The following CEACAM5 variants were observed in gnomAD, a reference collection of about 807,000 sequenced individuals.
The protein encoded by CEACAM5 is cell adhesion molecule CEACAM5.
Under a neutral mutation model 63.0 loss-of-function variants are expected in CEACAM5, and 52 were observed. The observed-to-expected ratio is 0.83, with a 90% CI of 0.66 to 1.04. The LOEUF (loss-of-function observed/expected upper bound fraction) is 1.04, where lower values mean the gene tolerates loss of function less well. Among genes scored for constraint, CEACAM5 ranks in the 50% least tolerant of loss-of-function variants. CEACAM5 has a pLI of 0.00. For synonymous variants in CEACAM5, 357 were observed against 351.3 expected (o/e 1.02, Z -0.18); for missense variants, 790 against 864.8 (o/e 0.91, Z 1.08).
chr19:41,723,863 G>A (rs1170336411), intron 8 of CEACAM5, among the ~76,000 whole-genome samples: 2 of 151,516 alleles, frequency 1.3e-5, no homozygotes, highest in Admixed American at 1.3e-4. Flanking sequence ...GCAGGAGAAT[G>A]GCATGAACCC....
chr19:41,718,254 T>A lies in CEACAM5; in HGVS notation c.1364T>A (p.Ile455Asn), dbSNP rs1407503956. 3 of 1,614,032 alleles carry A rather than the reference T, an allele frequency of 1.9e-6. No homozygotes were observed. The highest frequency in any genetic ancestry group is 2.7e-5 in the African/African-American group (2 of 74,898). ...TATTCTTGGCTGATTGATGGGAACATCCAGCAACACACACAAGAGCTCTTT... is the reference window on the plus strand; with the variant it reads ...TATTCTTGGCTGATTGATGGGAACAACCAGCAACACACACAAGAGCTCTTT... ...AQYSWLIDGN[I>N]QQHTQELFIS... Residue 455 changes from isoleucine (I) to asparagine (N), a missense_variant, in exon 6 of 10, where the codon ATC becomes AAC. Transcript: ENST00000221992.
intron 3 of CEACAM5, 75 bp from the exon 4 acceptor site, chr19:41,715,575 G>A: frequency 2.6e-6 from 4 of 1,563,798 alleles, no homozygotes; most frequent in East Asian, 4.5e-5. Context: ...GAGGGACACT[G>A]TGGTCCTTCC....
At chr19:41,708,897 A>G (rs1555813398) in intron 1 of CEACAM5, 102 bp downstream of exon 1, 1 of 794,580 alleles carries the variant, frequency 1.3e-6, no homozygotes, top group East Asian at 2.7e-5. Context: ...TGGAGCCTGA[A>G]TAGGGAAGAG....
chr19:41,722,850 T>A (rs188210429), intron 8 of CEACAM5, among the ~76,000 whole-genome samples: 1 of 152,332 alleles, frequency 6.6e-6, no homozygotes, highest in African/African-American at 2.4e-5. Flanking sequence ...TTTTGGTGTA[T>A]GTCCAGAAAT....
intron 9 of CEACAM5, among the ~76,000 whole-genome samples, chr19:41,728,786 C>CAAAAAAAAAAAAAAAAAAA (rs55647539): frequency 6.8e-5 from 5 of 73,284 alleles, no homozygotes; most frequent in East Asian, 4.3e-4. Context: ...GACTCCGTCT[C>CAAAAAAAAAAAAAAAAAAA]AAAAAAAAAA....
At chr19:41,715,508 A>G in intron 3 of CEACAM5, 142 bp from the exon 4 acceptor site, 1 of 1,225,102 alleles carries the variant, frequency 8.2e-7, no homozygotes, top group South Asian at 1.3e-5. Context: ...TCTCAGACTC[A>G]GGCTCAGTAG....
At position 41,710,056 on chromosome 19, in the gene CEACAM5, T is replaced by A; in HGVS notation, c.424+17T>A. 1 of 1,585,400 alleles carries A rather than the reference T, an allele frequency of 6.3e-7. No homozygotes were observed. Among genetic ancestry groups the A allele is most frequent in the Non-Finnish European group, 8.6e-7 (1 of 1,166,256 alleles). ...GGGTATACCGTGAGTGATTCCCCCA[T>A]GACCTCTGGGTGTTGGGGGTCAGTT... On this transcript the variant is annotated intron_variant, in intron 2 of 9. Transcript: ENST00000221992.
rs782649474 is a variant in CEACAM5, at chr19:41,715,765, C to T, written c.819C>T (p.Val273=). Residue 273 remains valine, a synonymous_variant, in exon 4 of 10, where the codon GTC becomes GTT. Transcript: ENST00000221992. ...SNPPAQYSWF[V]NGTFQQSTQE... ...CACCTGCACAGTACTCTTGGTTTGT[C>T]AATGGGACTTTCCAGCAATCCACCC... is the stretch of plus-strand genomic sequence containing the variant. 1 of 1,614,170 alleles carries T rather than the reference C, an allele frequency of 6.2e-7. No individual in the cohort carries two copies. The highest frequency in any genetic ancestry group is 1.1e-5 in the South Asian group (1 of 91,068).
In CEACAM5 at chr19:41,714,949, C is replaced by A. The variant is rs553786973; in HGVS notation, c.425-22C>A. 47 of 1,613,916 alleles carry A rather than the reference C, an allele frequency of 2.9e-5. No homozygotes were observed. The South Asian group carries it at 5.2e-4, about 18-fold the overall frequency. On this transcript the variant is annotated intron_variant, in intron 2 of 9. Transcript: ENST00000221992. Reference sequence around the variant, plus strand: ...AATCAAAGGTGCCACACAGGGCAATCTTCTCTCTGTTATCTGCACAGCGGA... The same window carrying A: ...AATCAAAGGTGCCACACAGGGCAATATTCTCTCTGTTATCTGCACAGCGGA...
At chr19:41,720,746 C>T (rs549051471) in intron 7 of CEACAM5, among the ~76,000 whole-genome samples, 176 bp from the exon 8 acceptor site, 100 of 152,120 alleles carry the variant, frequency 6.6e-4, no homozygotes, top group East Asian at 3.1e-3. Context: ...CTGATCTGCC[C>T]GCCTCGGCCT....
intron 4 of CEACAM5, among the ~76,000 whole-genome samples, chr19:41,716,496 A>C (rs1206567833): frequency 6.6e-6 from 1 of 152,188 alleles, no homozygotes; most frequent in African/African-American, 2.4e-5. Flanking sequence ...GCTGCCAATC[A>C]ACACCAAAGC....
chr19:41,709,109 G>A (rs1235226533), intron 1 of CEACAM5, among the ~76,000 whole-genome samples: 2 of 152,214 alleles, frequency 1.3e-5, no homozygotes, highest in African/African-American at 2.4e-5. Flanking sequence ...TCCGCCTACC[G>A]CGGACATTGG....
At chr19:41,710,899 C>T (rs576503596) in intron 2 of CEACAM5, among the ~76,000 whole-genome samples, 2 of 152,270 alleles carry the variant, frequency 1.3e-5, no homozygotes, top group African/African-American at 4.8e-5. Flanking sequence ...CACAAACAAC[C>T]TCACAGCCAA....
intron 9 of CEACAM5, among the ~76,000 whole-genome samples, chr19:41,728,922 G>C (rs1191153849): frequency 6.6e-6 from 1 of 152,074 alleles, no homozygotes; most frequent in South Asian, 2.1e-4. Flanking sequence ...GAATGGAAAG[G>C]CCACCTTATT....
At chr19:41,725,788 C>G in intron 8 of CEACAM5, among the ~76,000 whole-genome samples, 1 of 152,004 alleles carries the variant, frequency 6.6e-6, no homozygotes, top group East Asian at 1.9e-4. Context: ...TTCATTGATT[C>G]CTTCTATTGT....
chr19:41,721,832 G>A (rs2072626775), intron 8 of CEACAM5, among the ~76,000 whole-genome samples: 1 of 152,210 alleles, frequency 6.6e-6, no homozygotes, highest in African/African-American at 2.4e-5. Context: ...GGAGCCTCGG[G>A]ACAGACTCCT....
rs111697537 is a variant in CEACAM5, at chr19:41,710,141, C to T, written c.424+102C>T. ...TGTGCCTGTGGCCCCCTCTGCATTA[C>T]GCACCATGTTAGGGTTTGGGCATTT... On this transcript the variant is annotated intron_variant, in intron 2 of 9. Transcript: ENST00000221992. 1.7e-4 allele frequency: 251 copies of T among 1,493,610 alleles called. 1 individual carries two copies. In the African/African-American group the frequency reaches 2.1e-3, roughly 12 times the overall value. 92.5% of individuals were successfully genotyped at this position (1,493,610 alleles called of 1,614,324 possible).
At chr19:41,712,557 G>A (rs190866836) in intron 2 of CEACAM5, among the ~76,000 whole-genome samples, 1 of 152,220 alleles carries the variant, frequency 6.6e-6, no homozygotes, top group African/African-American at 2.4e-5. Flanking sequence ...TCCTAACTTG[G>A]CATCATTTCT....
chr19:41,726,231 C>G (rs1360972076), intron 8 of CEACAM5, among the ~76,000 whole-genome samples: 2 of 152,208 alleles, frequency 1.3e-5, no homozygotes, highest in Non-Finnish European at 2.9e-5. Flanking sequence ...AGATCCACTT[C>G]TCACTAATTA....
Sources: allele counts gnomAD v4.1 joint callset (sites outside exome capture counted in the v4.1 genomes callset), GRCh38; gene constraint gnomAD v4.1.1; transcripts MANE v1.5; gene names NCBI Gene and HGNC (gene_info 2026-07-23, HGNC 2026-07-21).